The following HIVEP3 variants were observed in gnomAD, a reference collection of about 807,000 sequenced individuals.
HIVEP3 encodes transcription factor HIVEP3.
A neutral mutation model predicts 152.8 loss-of-function variants in HIVEP3; 49 were observed. The ratio of observed to expected loss-of-function variants is 0.32; its 90% CI spans 0.26 to 0.41. The LOEUF is 0.41. Among genes scored for constraint, HIVEP3 ranks in the 10% least tolerant of loss-of-function variants. The pLI is 1.00. For synonymous variants in HIVEP3, 1,269 were observed against 1,289.0 expected, an observed-to-expected ratio of 0.98 and a Z score of 0.33; for missense variants, 2,790 against 3,103.3, an observed-to-expected ratio of 0.90 and a Z score of 2.40.
In HIVEP3 at chr1:41,507,317, C is replaced by T. The variant is rs1382949763; in HGVS notation, c.*3134G>A. Reference sequence around the variant, plus strand: ...CAGGCAGCTGGCTGCTGTCGGGCTCCTGGAGGGTTGCAGGGGTTGAGCCCA... The same window carrying T: ...CAGGCAGCTGGCTGCTGTCGGGCTCTTGGAGGGTTGCAGGGGTTGAGCCCA... On this transcript the variant is annotated 3_prime_UTR_variant, in exon 9 of 9. Coordinates refer to ENST00000372583, the MANE Select transcript of HIVEP3 (RefSeq NM_024503.5). 2 of 152,270 alleles carry T rather than the reference C, an allele frequency of 1.3e-5. No individual in the cohort carries two copies. The highest frequency in any genetic ancestry group is 2.9e-5 in the Non-Finnish European group (2 of 68,090). 9.4% of individuals were successfully genotyped at this position (152,270 alleles called of 1,614,324 possible).
chr1:41,786,722 GTATAA>G (rs1649368308), intron 1 of HIVEP3, among the ~76,000 whole-genome samples: 3 of 151,544 alleles, frequency 2.0e-5, no homozygotes, highest in South Asian at 4.2e-4. Flanking sequence ...TCCAAAAAAT[GTATAA>G]TATAAGCTAC....
intron 1 of HIVEP3, among the ~76,000 whole-genome samples, chr1:41,754,675 G>A (rs915433079): frequency 1.9e-4 from 29 of 152,168 alleles, no homozygotes; most frequent in African/African-American, 6.0e-4. Flanking sequence ...CACTCTGTTG[G>A]ACATTTCTGA....
chr1:41,780,260 T>C (rs1247025820), intron 1 of HIVEP3, among the ~76,000 whole-genome samples: 2 of 69,884 alleles, frequency 2.9e-5, no homozygotes, highest in Non-Finnish European at 5.5e-5. Context: ...TCGTGGGATT[T>C]GTGGGGCGTG....
At chr1:41,632,130 G>T (rs1384092650) in intron 2 of HIVEP3, among the ~76,000 whole-genome samples, 1 of 152,122 alleles carries the variant, frequency 6.6e-6, no homozygotes, top group Admixed American at 6.5e-5. Context: ...ACGGCTTAAA[G>T]CCCTTCTAGA....
chr1:41,857,967 CTCAA>C (rs1175134716), intron 1 of HIVEP3, among the ~76,000 whole-genome samples: 1 of 141,666 alleles, frequency 7.1e-6, no homozygotes, highest in East Asian at 1.9e-4. Context: ...ACTGTGAAAT[CTCAA>C]TCAATCAATC....
intron 2 of HIVEP3, among the ~76,000 whole-genome samples, chr1:41,675,562 G>A (rs1645941399): frequency 1.3e-5 from 2 of 152,184 alleles, no homozygotes; most frequent in South Asian, 4.1e-4. Flanking sequence ...TGACATGTAT[G>A]TTTTGCTCAC....
intron 1 of HIVEP3, among the ~76,000 whole-genome samples, chr1:41,875,263 T>C (rs1365324367): frequency 6.6e-6 from 1 of 152,200 alleles, no homozygotes; most frequent in East Asian, 1.9e-4. Context: ...CCTGTCTTTG[T>C]AGATGGTGCC....
At chr1:41,746,674 TAGCTA>T (rs547400475) in intron 1 of HIVEP3, among the ~76,000 whole-genome samples, 276 of 152,256 alleles carry the variant, frequency 1.8e-3, no homozygotes, top group Non-Finnish European at 2.7e-3. Flanking sequence ...CAATGGCACT[TAGCTA>T]AGCCAAACTG....
rs1447184309 is a variant in HIVEP3, at chr1:41,513,565, G to A, written c.5656C>T (p.Pro1886Ser). 6.2e-7 allele frequency: 1 copy of A among 1,612,442 alleles called. No homozygotes were observed. Among genetic ancestry groups the A allele is most frequent in the Non-Finnish European group, 8.5e-7 (1 of 1,179,532 alleles). ...GAGTCTGCCCGCAGTGCATGTGGTG[G>A]GCCAGGCGGGGGCGCCTCTGAGGAT... is the stretch of plus-strand genomic sequence containing the variant. ...RPSSEAPPPG[P>S]PHALRADSSP... The change falls in exon 8 of 9, where the codon CCA becomes TCA. Residue 1886 changes from proline (P) to serine (S), a missense_variant. Transcript: ENST00000372583.
intron 1 of HIVEP3, among the ~76,000 whole-genome samples, chr1:41,799,987 C>T (rs911560406): frequency 6.6e-6 from 1 of 152,176 alleles, no homozygotes; most frequent in Non-Finnish European, 1.5e-5. Context: ...AGCAGCCTTA[C>T]CCAACTCTAC....
Position 41,811,690 on chromosome 1 carries a change from G to A in HIVEP3, c.-801+106723C>T, listed in dbSNP as rs952878347. ...CCACCCACTGAGCTTGGAGCACCAC[G>A]GGGAGGGGGTGGGGAAAGGCGAAAC... On this transcript the variant is annotated intron_variant, in intron 1 of 8. Transcript: ENST00000372583. Among the ~76,000 whole-genome samples, 12 of 151,966 alleles carry A rather than the reference G, an allele frequency of 7.9e-5. 1 individual carries two copies. The highest frequency in any genetic ancestry group is 6.8e-3 in the Middle Eastern group (2 of 294).
At chr1:41,615,785 G>A (rs965124207) in intron 3 of HIVEP3, among the ~76,000 whole-genome samples, 10 of 144,812 alleles carry the variant, frequency 6.9e-5, no homozygotes, top group Non-Finnish European at 1.3e-4. Flanking sequence ...TTGTGGAAGC[G>A]ATGCAGGGCT....
chr1:41,867,462 T>G (rs1162279486), intron 1 of HIVEP3, among the ~76,000 whole-genome samples: 1 of 152,170 alleles, frequency 6.6e-6, no homozygotes, highest in Non-Finnish European at 1.5e-5. Flanking sequence ...AGGAAGATGC[T>G]GAGGCCTCAC....
chr1:41,941,578 G>A (rs1023694000), intron 1 of HIVEP3, among the ~76,000 whole-genome samples: 1 of 152,148 alleles, frequency 6.6e-6, no homozygotes, highest in Non-Finnish European at 1.5e-5. Flanking sequence ...AGCAGGGAGG[G>A]TAAGTGAAAT....
intron 1 of HIVEP3, among the ~76,000 whole-genome samples, chr1:41,832,824 C>A (rs72671249): frequency 0.13 from 19,601 of 152,246 alleles, 1,570 homozygotes; most frequent in Middle Eastern, 0.19. Flanking sequence ...GCAGTAAATG[C>A]TGAAGCCCAG....
chr1:41,523,035 AAC>A (rs151217210), intron 6 of HIVEP3, among the ~76,000 whole-genome samples: 6,802 of 152,332 alleles, frequency 0.045, 219 homozygotes, highest in Middle Eastern at 0.099. Context: ...CTCCAGCATT[AAC>A]AGTTATTCTG....
intron 1 of HIVEP3, among the ~76,000 whole-genome samples, chr1:41,940,829 A>C (rs909305104): frequency 6.6e-6 from 1 of 151,376 alleles, no homozygotes; most frequent in Non-Finnish European, 1.5e-5. Flanking sequence ...ATAAAGAGAG[A>C]AGCTGGTAAA....
In HIVEP3 at chr1:41,662,701, C is replaced by T. The variant is rs1208904224; in HGVS notation, c.-720-33754G>A. 6.6e-6 allele frequency among the ~76,000 whole-genome samples: 1 copy of T among 151,686 alleles called. No homozygotes were observed. The highest frequency in any genetic ancestry group is 1.5e-5 in the Non-Finnish European group (1 of 67,804). On this transcript the variant is annotated intron_variant, in intron 2 of 8. Transcript: ENST00000372583. This position sits in a 1 kb window ranked among gnomAD's most constrained non-coding sequence, Gnocchi z 7.2. ...ACAGGCCGTGTCACTCCGGGCGCCG[C>T]CCCTCCCTCCGCGCCCGCCCCGGCT...
At chr1:41,860,705 ATC>A (rs1011861577) in intron 1 of HIVEP3, among the ~76,000 whole-genome samples, 6 of 152,172 alleles carry the variant, frequency 3.9e-5, no homozygotes, top group Admixed American at 6.5e-5. Flanking sequence ...TCCCCCTAAT[ATC>A]TCCACCATTG....
Sources: gnomAD v4.1 joint callset for allele counts (sites outside exome capture counted in the v4.1 genomes callset) on GRCh38, gnomAD v4.1.1 for gene constraint, Gnocchi (gnomAD v3.1) non-coding constraint, MANE v1.5 for transcripts, NCBI Gene and HGNC (gene_info 2026-07-23, HGNC 2026-07-21) for gene names.